PCDHA8: variants seen among roughly 807,000 people sequenced by gnomAD.
The protein encoded by PCDHA8 is protocadherin alpha-8.
In PCDHA8, 53 loss-of-function variants were observed where a neutral mutation model predicts 61.8. The ratio of observed to expected loss-of-function variants is 0.86; its 90% CI spans 0.69 to 1.08. The LOEUF (loss-of-function observed/expected upper bound fraction) is 1.08. PCDHA8 is among the 50% of genes least tolerant of loss of function. The pLI is 0.00. For synonymous variants in PCDHA8, 618 were observed against 556.6 expected (o/e 1.11, Z -1.55); for missense variants, 1,293 against 1,245.0 (o/e 1.04, Z -0.58).
chr5:140,889,767 C>T (rs539294045), intron 1 of PCDHA8, among the ~76,000 whole-genome samples: 29 of 152,202 alleles, frequency 1.9e-4, no homozygotes, highest in African/African-American at 6.7e-4. Context: ...TGAACTTTGA[C>T]TGGTCTTAAT....
chr5:140,927,822 T>A (rs1554205109), intron 1 of PCDHA8: 1 of 1,614,152 alleles, frequency 6.2e-7, no homozygotes, highest in Admixed American at 1.7e-5. Context: ...AGGCATACAT[T>A]GAGGCGAGGG....
At position 140,850,183 on chromosome 5, in the gene PCDHA8, C is replaced by A. The variant is rs2150471701; in HGVS notation, c.2394+6468C>A. The A allele has an allele frequency of 1.8e-5, 29 of 1,593,776 alleles. 2 individuals carry two copies. In the South Asian group the frequency reaches 3.1e-4, roughly 17 times the overall value. On this transcript the variant is annotated intron_variant, in intron 1 of 3. Coordinates refer to ENST00000531613, the MANE Select transcript of PCDHA8 (RefSeq NM_018911.3). The stretch of plus-strand genomic sequence containing the variant: ...GTGCTGGACGAGAACGACAATGCGC[C>A]GGCGCTGCTGACACCTCGGATGAGG...
intron 1 of PCDHA8, chr5:140,852,164 G>A (rs1176947336): frequency 2.4e-6 from 2 of 829,782 alleles, no homozygotes; most frequent in Non-Finnish European, 3.0e-6. Context: ...TGAGAATAGA[G>A]CCACAAAAAT....
At chr5:140,869,937 A>C (rs782444890) in intron 1 of PCDHA8, 1 of 1,612,006 alleles carries the variant, frequency 6.2e-7, no homozygotes, top group Non-Finnish European at 8.5e-7. Flanking sequence ...GAGAGGTAAC[A>C]TACTCCTTAA....
At chr5:140,947,140 A>G (rs2094093806) in intron 1 of PCDHA8, among the ~76,000 whole-genome samples, 1 of 151,464 alleles carries the variant, frequency 6.6e-6, no homozygotes, top group Admixed American at 6.6e-5. Context: ...AGTAAAATGT[A>G]TAGTTACTTC....
chr5:140,951,662 G>A (rs1246504133), intron 1 of PCDHA8, among the ~76,000 whole-genome samples: 1 of 152,150 alleles, frequency 6.6e-6, no homozygotes, highest in African/African-American at 2.4e-5. Context: ...ACCAGGGCCT[G>A]CCTACAAAAT....
chr5:140,928,792 G>A (rs1190569981), intron 1 of PCDHA8: 2 of 1,614,048 alleles, frequency 1.2e-6, no homozygotes, highest in Non-Finnish European at 1.7e-6. Context: ...TAAGCAGAGG[G>A]TGGTGGTAGT....
Position 140,999,523 on chromosome 5 carries a change from C to A in PCDHA8, c.2543-10104C>A, listed in dbSNP as rs115576128. On this transcript the variant is annotated intron_variant, in intron 3 of 3. Coordinates refer to ENST00000531613, the MANE Select transcript of PCDHA8 (RefSeq NM_018911.3). ...AACCTACATTTTAAGCATTTTGTTA[C>A]CCCCTGGATATGACAGCCAATGAAG... is the stretch of plus-strand genomic sequence containing the variant. Among the ~76,000 whole-genome samples, 464 of 152,142 alleles carry A rather than the reference C, an allele frequency of 3.0e-3. 6 individuals carry two copies. Among genetic ancestry groups the A allele is most frequent in the Middle Eastern group, 0.01 (3 of 294 alleles).
At chr5:140,999,173 T>G (rs892201477) in intron 3 of PCDHA8, among the ~76,000 whole-genome samples, 20 of 152,158 alleles carry the variant, frequency 1.3e-4, no homozygotes, top group African/African-American at 4.3e-4. Context: ...GAAAAGAGCC[T>G]GATGGGGAGA....
chr5:140,844,369 CCTT>C (rs1275614273), intron 1 of PCDHA8, among the ~76,000 whole-genome samples: 2 of 149,326 alleles, frequency 1.3e-5, no homozygotes, highest in South Asian at 2.1e-4. Flanking sequence ...GATTTGTAAT[CCTT>C]CTTTTAATTC....
chr5:140,877,467 G>T (rs1554169776), intron 1 of PCDHA8: 2 of 1,613,868 alleles, frequency 1.2e-6, no homozygotes, highest in Non-Finnish European at 1.7e-6. Flanking sequence ...CGGCCACGGT[G>T]CTGGTGTCGC....
intron 1 of PCDHA8, among the ~76,000 whole-genome samples, chr5:140,938,974 G>T (rs534312375): frequency 6.6e-6 from 1 of 152,230 alleles, no homozygotes; most frequent in Non-Finnish European, 1.5e-5. Context: ...TGGCATCAAG[G>T]CTATCCTGGC....
chr5:140,861,875 G>A (rs536316247), intron 1 of PCDHA8: 3 of 156,086 alleles, frequency 1.9e-5, no homozygotes, highest in African/African-American at 7.2e-5. Context: ...TGGGGGCGAA[G>A]CTGAGCTGAC....
intron 1 of PCDHA8, among the ~76,000 whole-genome samples, chr5:140,974,046 GATA>G (rs1554235775): frequency 6.6e-6 from 1 of 152,184 alleles, no homozygotes; most frequent in African/African-American, 2.4e-5. Context: ...TTATTAATAT[GATA>G]ATATTTGGAG....
chr5:140,964,138 C>T (rs529852998), intron 1 of PCDHA8, among the ~76,000 whole-genome samples: 1 of 152,300 alleles, frequency 6.6e-6, no homozygotes, highest in Admixed American at 6.5e-5. Flanking sequence ...GTAAGGTTGG[C>T]AGGAGCCTCA....
intron 3 of PCDHA8, among the ~76,000 whole-genome samples, chr5:140,990,256 A>G (rs2153888367): frequency 6.6e-6 from 1 of 152,332 alleles, no homozygotes; most frequent in Middle Eastern, 3.4e-3. Flanking sequence ...TCTGCTGGAT[A>G]CCAAACAATG....
At position 140,857,211 on chromosome 5, in the gene PCDHA8, T is replaced by C; in HGVS notation, c.2394+13496T>C. 5 of 1,598,632 alleles carry C rather than the reference T, an allele frequency of 3.1e-6. 1 individual carries two copies. Among genetic ancestry groups the C allele is most frequent in the Non-Finnish European group, 4.3e-6 (5 of 1,167,976 alleles). On this transcript the variant is annotated intron_variant, in intron 1 of 3. Coordinates refer to ENST00000531613, the MANE Select transcript of PCDHA8 (RefSeq NM_018911.3). ...GCCAACGGACAGGTCACCTGCTCTCTGACGCCTCACGTTCCGTTCAAGCTG... is the reference window on the plus strand; with the variant it reads ...GCCAACGGACAGGTCACCTGCTCTCCGACGCCTCACGTTCCGTTCAAGCTG...
At chr5:140,912,310 A>T (rs936183695) in intron 1 of PCDHA8, among the ~76,000 whole-genome samples, 1 of 151,764 alleles carries the variant, frequency 6.6e-6, no homozygotes, top group African/African-American at 2.4e-5. Flanking sequence ...AATCCAGTCA[A>T]GTTGACCCTC....
At position 140,877,299 on chromosome 5, in the gene PCDHA8, C is replaced by A. The variant is rs374061607; in HGVS notation, c.2394+33584C>A. 1,401 of 1,613,926 alleles carry A rather than the reference C, an allele frequency of 8.7e-4. 20 individuals carry two copies. The South Asian group carries it at 0.013, about 15-fold the overall frequency. On this transcript the variant is annotated intron_variant, in intron 1 of 3. Transcript: ENST00000531613. ...CCGGCTATAACGCTTGGCTGTCCTA[C>A]GAGTTGCAACCGGCGGCGGTCGGCG...
Sources: allele counts gnomAD v4.1 joint callset (sites outside exome capture counted in the v4.1 genomes callset), GRCh38; gene constraint gnomAD v4.1.1; transcripts MANE v1.5; gene names NCBI Gene and HGNC (gene_info 2026-07-23, HGNC 2026-07-21).